CD163L1: variants seen among roughly 807,000 people sequenced by gnomAD.
The protein encoded by CD163L1 is CD163 molecule like 1.
Under a neutral mutation model 165.4 loss-of-function variants are expected in CD163L1, and 124 were observed. That is an observed-to-expected ratio of 0.75 (90% CI 0.65 to 0.87). CD163L1 has a LOEUF of 0.87. Among genes scored for constraint, CD163L1 ranks in the 40% least tolerant of loss-of-function variants. The probability of loss-of-function intolerance (pLI) is 0.00; values close to 1 mark genes in which losing one functional copy is unlikely to be tolerated. For synonymous variants in CD163L1, 585 were observed against 662.2 expected (o/e 0.88, Z 1.79); for missense variants, 1,525 against 1,799.9 (o/e 0.85, Z 2.76).
At chr12:7,409,688 G>A (rs936204451) in intron 4 of CD163L1, among the ~76,000 whole-genome samples, 28 of 152,168 alleles carry the variant, frequency 1.8e-4, no homozygotes, top group Non-Finnish European at 3.1e-4. Flanking sequence ...GACCCCTGTC[G>A]TAAAGGGTAC....
chr12:7,365,387 A>G (rs554328769), intron 18 of CD163L1, among the ~76,000 whole-genome samples: 148 of 152,304 alleles, frequency 9.7e-4, no homozygotes, highest in Middle Eastern at 3.4e-3. Flanking sequence ...TCAAAAGCAC[A>G]GGCCACCAAA....
At chr12:7,396,828 T>C (rs1238170648) in intron 7 of CD163L1, among the ~76,000 whole-genome samples, 1 of 150,994 alleles carries the variant, frequency 6.6e-6, no homozygotes, top group East Asian at 2.0e-4. Flanking sequence ...TGTCTCTCTC[T>C]CTACATACAT....
In CD163L1 at chr12:7,391,013, C is replaced by T. The variant is rs745311582; in HGVS notation, c.2050+5082G>A. Among the ~76,000 whole-genome samples the T allele has an allele frequency of 3.3e-5, 5 of 152,248 alleles. No individual in the cohort carries two copies. The East Asian group carries it at 5.8e-4, about 18-fold the overall frequency. Reference sequence around the variant, plus strand: ...GGTCTTCAGCTCCCAGTGTGATCAACGCAGAAGACAGGTAACTTCTGCATT... The same window carrying T: ...GGTCTTCAGCTCCCAGTGTGATCAATGCAGAAGACAGGTAACTTCTGCATT... On this transcript the variant is annotated intron_variant, in intron 8 of 19. Transcript: ENST00000313599.
the CD163L1 span, chr12:7,323,660 C>A: frequency 9.9e-7 from 1 of 1,005,100 alleles, no homozygotes. Flanking sequence ...GCAACAAAAT[C>A]TTTCACAACT....
chr12:7,414,588 G>A (rs1256965524), intron 4 of CD163L1, among the ~76,000 whole-genome samples: 1 of 152,050 alleles, frequency 6.6e-6, no homozygotes, highest in Non-Finnish European at 1.5e-5. Context: ...AGGAAAATGA[G>A]CATCCCAAAC....
At chr12:7,367,154 G>A (rs370178528) in intron 18 of CD163L1, 82 bp downstream of exon 18, 155 of 727,808 alleles carry the variant, frequency 2.1e-4, no homozygotes, top group African/African-American at 2.9e-4. Context: ...CATCTCCATC[G>A]AGTGGGAGTT....
At chr12:7,392,765 A>G (rs1947684281) in intron 8 of CD163L1, among the ~76,000 whole-genome samples, 1 of 152,208 alleles carries the variant, frequency 6.6e-6, no homozygotes, top group Admixed American at 6.5e-5. Flanking sequence ...AAGAAATACA[A>G]ACTACCATCA....
chr12:7,369,547 C>T lies in CD163L1; in HGVS notation c.3849G>A (p.Val1283=). The T allele has an allele frequency of 1.2e-6, 2 of 1,614,208 alleles. No individual in the cohort carries two copies. Among genetic ancestry groups the T allele is most frequent in the East Asian group, 2.2e-5 (1 of 44,888 alleles). ...CAGAGCCACAGCCCAGCTGCTGACACACCACTTCCGCCTCGGCCAGGTCCC... is the reference window on the plus strand; with the variant it reads ...CAGAGCCACAGCCCAGCTGCTGACATACCACTTCCGCCTCGGCCAGGTCCC... ...DSWDLAEAEV[V]CQQLGCGSAL... Residue 1283 remains valine (V), a synonymous_variant, in exon 15 of 20, where the codon GTG becomes GTA. Transcript: ENST00000313599. The surrounding 1 kb of genome is among the most constrained non-coding windows in gnomAD (Gnocchi z 4.9).
chr12:7,417,076 T>C (rs1408581443), intron 4 of CD163L1, among the ~76,000 whole-genome samples: 1 of 152,184 alleles, frequency 6.6e-6, no homozygotes, highest in East Asian at 1.9e-4. Flanking sequence ...CATGTTTGTG[T>C]CCTCTCTTAT....
chr12:7,357,569 C>T, intron 18 of CD163L1, 83 bp from the exon 19 acceptor site: 1 of 1,143,202 alleles, frequency 8.7e-7, no homozygotes. Context: ...AGTGTTTGAT[C>T]AGCTGGGAAA....
the CD163L1 span, chr12:7,322,331 A>G: frequency 1.6e-4 from 251 of 1,573,534 alleles, 1 homozygote; most frequent in South Asian, 2.6e-3. Context: ...CCTAGCTGCT[A>G]TGCTTACTGC....
At chr12:7,383,750 T>A (rs1947459531) in intron 8 of CD163L1, among the ~76,000 whole-genome samples, 1 of 152,212 alleles carries the variant, frequency 6.6e-6, no homozygotes, top group Non-Finnish European at 1.5e-5. Context: ...CACTATAGCA[T>A]GCACCCAGGA....
At chr12:7,440,685 G>GGCAC (rs1948820166) in intron 2 of CD163L1, among the ~76,000 whole-genome samples, 1 of 150,744 alleles carries the variant, frequency 6.6e-6, no homozygotes, top group Admixed American at 6.6e-5. Flanking sequence ...GGAGTGTAGG[G>GGCAC]GCACGATCTC....
intron 9 of CD163L1, among the ~76,000 whole-genome samples, chr12:7,376,655 C>T (rs1276508378): frequency 6.6e-6 from 1 of 152,176 alleles, no homozygotes; most frequent in African/African-American, 2.4e-5. Flanking sequence ...ATTGATGGAA[C>T]TCCATCATTC....
At chr12:7,355,804 G>T (rs908574951) in intron 19 of CD163L1, among the ~76,000 whole-genome samples, 1 of 152,078 alleles carries the variant, frequency 6.6e-6, no homozygotes, top group African/African-American at 2.4e-5. Context: ...CCATCTGAGG[G>T]CATAACAAGA....
the CD163L1 span, chr12:7,322,534 C>G: frequency 3.1e-6 from 5 of 1,613,138 alleles, no homozygotes; most frequent in African/African-American, 6.7e-5. Flanking sequence ...TATGGACAGA[C>G]GGAAGTGGTA....
chr12:7,391,836 C>T (rs1247916109), intron 8 of CD163L1, among the ~76,000 whole-genome samples: 7 of 152,254 alleles, frequency 4.6e-5, no homozygotes, highest in Non-Finnish European at 5.9e-5. Context: ...AAGGCCATTA[C>T]ATAATGGTAA....
the CD163L1 span, among the ~76,000 whole-genome samples, chr12:7,339,954 G>C: frequency 6.6e-6 from 1 of 152,274 alleles, no homozygotes; most frequent in Non-Finnish European, 1.5e-5. Flanking sequence ...TGAGGAGACT[G>C]AAAGTCCACT....
chr12:7,393,408 T>C (rs1947702931), intron 8 of CD163L1, among the ~76,000 whole-genome samples: 1 of 152,186 alleles, frequency 6.6e-6, no homozygotes, highest in South Asian at 2.1e-4. Flanking sequence ...AACTAGGTAT[T>C]GATGGAACGT....
Sources: gnomAD v4.1 joint callset for allele counts (sites outside exome capture counted in the v4.1 genomes callset) on GRCh38, gnomAD v4.1.1 for gene constraint, Gnocchi (gnomAD v3.1) non-coding constraint, MANE v1.5 for transcripts, NCBI Gene and HGNC (gene_info 2026-07-23, HGNC 2026-07-21) for gene names.